The following DLGAP1 variants were observed in gnomAD, a reference collection of about 807,000 sequenced individuals.
The protein encoded by DLGAP1 is disks large-associated protein 1.
A neutral mutation model predicts 90.8 loss-of-function variants in DLGAP1; 11 were observed. That is an observed-to-expected ratio of 0.12 (90% CI 0.08 to 0.20). The LOEUF (loss-of-function observed/expected upper bound fraction) is 0.20. Ranked by LOEUF, DLGAP1 falls within the 10% of genes least tolerant of loss-of-function variation. The pLI is 1.00. For synonymous variants in DLGAP1, 558 were observed against 540.7 expected (o/e 1.03, Z -0.44); for missense variants, 1,050 against 1,333.8 (o/e 0.79, Z 3.31).
intron 4 of DLGAP1, among the ~76,000 whole-genome samples, chr18:3,814,954 A>G (rs947826715): frequency 6.6e-6 from 1 of 152,240 alleles, no homozygotes; most frequent in Non-Finnish European, 1.5e-5. Context: ...AATATTTTGA[A>G]TATGTACAAA....
At chr18:3,709,642 G>C (rs555376393) in intron 7 of DLGAP1, among the ~76,000 whole-genome samples, 1 of 152,300 alleles carries the variant, frequency 6.6e-6, no homozygotes, top group African/African-American at 2.4e-5. Flanking sequence ...AGAAATTGAA[G>C]ATTTAGCACA....
At chr18:3,551,497 C>T (rs968935791) in intron 9 of DLGAP1, among the ~76,000 whole-genome samples, 1 of 152,118 alleles carries the variant, frequency 6.6e-6, no homozygotes, top group African/African-American at 2.4e-5. Context: ...GATCTGCCCT[C>T]CTGGCTTCCC....
At chr18:4,339,821 A>G (rs1598936497) in intron 1 of DLGAP1, among the ~76,000 whole-genome samples, 1 of 152,236 alleles carries the variant, frequency 6.6e-6, no homozygotes, top group East Asian at 1.9e-4. Flanking sequence ...GAAAAAGCAC[A>G]AATTCTTGCA....
chr18:3,999,822 T>G (rs1308451965), intron 3 of DLGAP1, among the ~76,000 whole-genome samples: 1 of 152,190 alleles, frequency 6.6e-6, no homozygotes, highest in Non-Finnish European at 1.5e-5. Context: ...GTTTTGTGTT[T>G]TCTTTCTGAG....
chr18:3,960,166 CT>C (rs2073169326), intron 3 of DLGAP1, among the ~76,000 whole-genome samples: 1 of 152,206 alleles, frequency 6.6e-6, no homozygotes, highest in African/African-American at 2.4e-5. Flanking sequence ...CGTTTCATTT[CT>C]CAATTTCCTA....
intron 10 of DLGAP1, among the ~76,000 whole-genome samples, chr18:3,522,099 C>CTT (rs373400380): frequency 3.3e-4 from 38 of 116,422 alleles, no homozygotes; most frequent in African/African-American, 9.9e-4. Flanking sequence ...CAAGTTTTGC[C>CTT]TTTTTTTTTT....
intron 7 of DLGAP1, chr18:3,708,240 C>G (rs555168301): frequency 1.4e-5 from 5 of 361,446 alleles, no homozygotes; most frequent in South Asian, 1.0e-4. Context: ...TGCTTGACTT[C>G]AAGTGATCCA....
chr18:4,377,945 A>G (rs192106678), intron 1 of DLGAP1, among the ~76,000 whole-genome samples: 1 of 151,928 alleles, frequency 6.6e-6, no homozygotes, highest in East Asian at 1.9e-4. Flanking sequence ...TAATAATAGC[A>G]TAATTACTTA....
chr18:3,731,202 T>C (rs9945169), intron 6 of DLGAP1, among the ~76,000 whole-genome samples: 87,759 of 151,886 alleles, frequency 0.58, 27,275 homozygotes, highest in African/African-American at 0.82. Context: ...TATATGTATA[T>C]GTATATAATT....
intron 8 of DLGAP1, among the ~76,000 whole-genome samples, chr18:3,579,987 AC>A (rs1223044306): frequency 6.6e-6 from 1 of 152,026 alleles, no homozygotes; most frequent in African/African-American, 2.4e-5. Context: ...TGGCTCGATG[AC>A]CCCGGCTATT....
chr18:3,840,504 C>T (rs765732195), intron 4 of DLGAP1, among the ~76,000 whole-genome samples: 1 of 152,212 alleles, frequency 6.6e-6, no homozygotes, highest in Non-Finnish European at 1.5e-5. Context: ...CTTAAAAGAA[C>T]ACTTGTGATT....
chr18:4,434,112 C>T (rs1003629957), intron 1 of DLGAP1, among the ~76,000 whole-genome samples: 16 of 152,096 alleles, frequency 1.1e-4, no homozygotes, highest in African/African-American at 3.4e-4. Flanking sequence ...CTTCTCCAAC[C>T]TGTTTTCTAT....
At chr18:3,600,969 G>GATAGATATAT (rs2056965502) in intron 7 of DLGAP1, among the ~76,000 whole-genome samples, 1 of 87,504 alleles carries the variant, frequency 1.1e-5, no homozygotes, top group African/African-American at 4.5e-5. Flanking sequence ...TAGATATATA[G>GATAGATATAT]ATAGATATAT....
At chr18:3,545,966 A>G (rs2052988341) in intron 9 of DLGAP1, among the ~76,000 whole-genome samples, 2 of 152,244 alleles carry the variant, frequency 1.3e-5, no homozygotes, top group South Asian at 4.1e-4. Context: ...ACATAAAGCA[A>G]GCACTGATAG....
intron 1 of DLGAP1, among the ~76,000 whole-genome samples, chr18:4,437,432 G>T (rs1462333912): frequency 6.6e-6 from 1 of 152,134 alleles, no homozygotes; most frequent in East Asian, 1.9e-4. Context: ...CAAGTCTCTG[G>T]TATAAAATGG....
intron 3 of DLGAP1, among the ~76,000 whole-genome samples, chr18:3,987,294 T>C (rs1341552321): frequency 6.6e-6 from 1 of 152,162 alleles, no homozygotes; most frequent in Non-Finnish European, 1.5e-5. Context: ...GCCTACTCAC[T>C]GAGGTCCCCA....
chr18:3,947,442 A>C (rs933053590), intron 3 of DLGAP1, among the ~76,000 whole-genome samples: 6 of 152,120 alleles, frequency 3.9e-5, no homozygotes, highest in African/African-American at 1.4e-4. Context: ...GTTTTGATAC[A>C]ATCCATCTTT....
At chr18:4,089,613 A>G (rs2075738021) in intron 2 of DLGAP1, among the ~76,000 whole-genome samples, 2 of 152,198 alleles carry the variant, frequency 1.3e-5, no homozygotes, top group Admixed American at 6.5e-5. Flanking sequence ...ACATAGACCA[A>G]TGGAACAGAA....
At chr18:4,123,851 A>G (rs1236327161) in intron 2 of DLGAP1, among the ~76,000 whole-genome samples, 1 of 152,206 alleles carries the variant, frequency 6.6e-6, no homozygotes, top group Non-Finnish European at 1.5e-5. Context: ...TGGAGGGGTT[A>G]AAATGCACTA....
Sources: gnomAD v4.1 joint callset for allele counts (sites outside exome capture counted in the v4.1 genomes callset) on GRCh38, gnomAD v4.1.1 for gene constraint, MANE v1.5 for transcripts, NCBI Gene and HGNC (gene_info 2026-07-23, HGNC 2026-07-21) for gene names.